The following DCST1 variants were observed in gnomAD, a reference collection of about 807,000 sequenced individuals.
The protein encoded by DCST1 is DC-STAMP domain containing 1, also known as E3 ubiquitin-protein ligase DCST1.
A neutral mutation model predicts 89.1 loss-of-function variants in DCST1; 78 were observed. That is an observed-to-expected ratio of 0.88 (90% CI 0.73 to 1.06). The LOEUF (loss-of-function observed/expected upper bound fraction) is 1.06. Ranked by LOEUF, DCST1 falls within the 50% of genes least tolerant of loss-of-function variation. The pLI, the probability that DCST1 is intolerant of heterozygous loss-of-function variation, is 0.00. For synonymous variants in DCST1, 364 were observed against 371.9 expected (o/e 0.98, Z 0.24); for missense variants, 900 against 928.6 (o/e 0.97, Z 0.40).
chr1:155,041,710 A>T lies in DCST1; in HGVS notation c.749-4A>T. Reference sequence around the variant, plus strand: ...ACCTCAGACACCCTTGCTCCTTCCTACAGATGTGGTGAACCAGGCCATACT... The same window carrying T: ...ACCTCAGACACCCTTGCTCCTTCCTTCAGATGTGGTGAACCAGGCCATACT... On this transcript the variant is annotated splice_region_variant and splice_polypyrimidine_tract_variant and intron_variant, in intron 7 of 16. Transcript: ENST00000295542. 1 of 1,614,132 alleles carries T rather than the reference A, an allele frequency of 6.2e-7. No homozygotes were observed. The highest frequency in any genetic ancestry group is 8.5e-7 in the Non-Finnish European group (1 of 1,180,004).
At chr1:155,041,928 G>A in intron 8 of DCST1, 71 bp downstream of exon 8, 1 of 1,592,158 alleles carries the variant, frequency 6.3e-7, no homozygotes, top group Non-Finnish European at 8.6e-7. Context: ...ACTGGTAGGT[G>A]ACAGGCAGGA....
intron 4 of DCST1, among the ~76,000 whole-genome samples, chr1:155,036,047 C>CAAAA (rs11445380): frequency 3.4e-4 from 24 of 71,220 alleles, no homozygotes; most frequent in African/African-American, 1.2e-3. Context: ...AACTCTGTCT[C>CAAAA]AAAAAAAAAA....
Position 155,034,460 on chromosome 1 carries a change from G to A in DCST1, c.87G>A (p.Gly29=), listed in dbSNP as rs775967965. 1.3e-5 allele frequency: 21 copies of A among 1,613,902 alleles called. No individual in the cohort carries two copies. In the Admixed American group the frequency reaches 2.0e-4, roughly 15 times the overall value. The change falls in exon 3 of 17, where the codon GGG becomes GGA. Residue 29 remains glycine, a synonymous_variant. Coordinates refer to ENST00000295542, the MANE Select transcript of DCST1 (RefSeq NM_152494.4). ...CGGTGCAGAGGCTCCTGACCTGGGG[G>A]CTGCCAGTCTCCTGTAGCTGGTTCC... ...HTTVQRLLTW[G]LPVSCSWFLW...
At chr1:155,037,995 G>C (rs1660324681) in intron 4 of DCST1, among the ~76,000 whole-genome samples, 1 of 152,258 alleles carries the variant, frequency 6.6e-6, no homozygotes, top group African/African-American at 2.4e-5. Context: ...GGCTGGGGCA[G>C]GGCCAGGCTA....
intron 4 of DCST1, 78 bp from the exon 5 acceptor site, chr1:155,039,325 G>T: frequency 6.9e-7 from 1 of 1,444,758 alleles, no homozygotes; most frequent in Non-Finnish European, 9.1e-7. Context: ...GGGTGTTGCA[G>T]GTGGGTGCTC....
chr1:155,034,607 G>A (rs913623598), intron 3 of DCST1, 46 bp from the exon 4 acceptor site: 2 of 1,613,894 alleles, frequency 1.2e-6, no homozygotes, highest in Non-Finnish European at 1.7e-6. Context: ...GCTGGACCAG[G>A]GCTAGGACCC....
chr1:155,047,053 G>T, intron 13 of DCST1, 143 bp from the exon 14 acceptor site: 1 of 754,902 alleles, frequency 1.3e-6, no homozygotes, highest in Non-Finnish European at 2.4e-6. Context: ...AGCAGGGAGG[G>T]GTTAGGATTC....
Position 155,047,177 on chromosome 1 carries a change from C to T in DCST1, c.1496-19C>T. The T allele has an allele frequency of 1.2e-6, 2 of 1,603,080 alleles. No individual in the cohort carries two copies. The highest frequency in any genetic ancestry group is 1.7e-6 in the Non-Finnish European group (2 of 1,170,058). Reference sequence around the variant, plus strand: ...TTCTCCACCTGCCCTGACTTCCCTACCTGTCCTCCTGGCCGCAGGCAGTCA... The same window carrying T: ...TTCTCCACCTGCCCTGACTTCCCTATCTGTCCTCCTGGCCGCAGGCAGTCA... On this transcript the variant is annotated intron_variant, in intron 13 of 16. Coordinates refer to ENST00000295542, the MANE Select transcript of DCST1 (RefSeq NM_152494.4).
Position 155,040,543 on chromosome 1 carries a change from C to T in DCST1, c.450C>T (p.Thr150=), listed in dbSNP as rs1015995727. ...ACGTGATCGCATCGCTGGGCTGCACCGTGGAGCTGCAGATCAACAACACCC... is the reference window on the plus strand; with the variant it reads ...ACGTGATCGCATCGCTGGGCTGCACTGTGGAGCTGCAGATCAACAACACCC... ...LNNVIASLGC[T]VELQINNTRA... is the part of the protein sequence containing the mutation. Residue 150 remains threonine, a synonymous_variant, in exon 6 of 17, where the codon ACC becomes ACT. Coordinates refer to ENST00000295542, the MANE Select transcript of DCST1 (RefSeq NM_152494.4). 1.3e-6 allele frequency: 2 copies of T among 1,592,738 alleles called. No individual in the cohort carries two copies. Among genetic ancestry groups the T allele is most frequent in the Admixed American group, 1.7e-5 (1 of 57,300 alleles).
chr1:155,041,438 C>T lies in DCST1; in HGVS notation c.573C>T (p.Ser191=), dbSNP rs368759688. ...TGAGAGCAGAGACTCGGAACATCTC[C>T]GCCACTTTTGAGGACCTGGATGCCC... ...ELLRAETRNI[S]ATFEDLDAQV... is the part of the protein sequence containing the mutation. The change falls in exon 7 of 17, where the codon TCC becomes TCT. Residue 191 remains serine, a synonymous_variant. Coordinates refer to ENST00000295542, the MANE Select transcript of DCST1 (RefSeq NM_152494.4). 41 of 1,613,870 alleles carry T rather than the reference C, an allele frequency of 2.5e-5. 1 individual carries two copies. The South Asian group carries it at 3.0e-4, about 12-fold the overall frequency.
Position 155,043,456 on chromosome 1 carries a change from C to T in DCST1, c.1119C>T (p.Ala373=). ...VYRQEARLEW[A]LGLLHVLLSC... is the part of the protein sequence containing the mutation. ...GCCAGGAGGCCCGGCTGGAGTGGGC[C>T]CTGGGGCTGCTGCACGTGCTGCTCT... The change falls in exon 10 of 17, where the codon GCC becomes GCT. Residue 373 remains alanine (A), a synonymous_variant. Coordinates refer to ENST00000295542, the MANE Select transcript of DCST1 (RefSeq NM_152494.4). 6 of 1,612,046 alleles carry T rather than the reference C, an allele frequency of 3.7e-6. No homozygotes were observed. Among genetic ancestry groups the T allele is most frequent in the Non-Finnish European group, 4.2e-6 (5 of 1,179,210 alleles).
intron 4 of DCST1, among the ~76,000 whole-genome samples, chr1:155,037,648 G>C (rs1660315438): frequency 6.6e-6 from 1 of 152,016 alleles, no homozygotes; most frequent in South Asian, 2.1e-4. Flanking sequence ...TGTTGGCCAG[G>C]CTGGTCTCAA....
intron 16 of DCST1, chr1:155,048,965 C>T (rs1309915213): frequency 1.4e-6 from 1 of 714,138 alleles, no homozygotes; most frequent in South Asian, 1.5e-5. Flanking sequence ...GTCCATACTC[C>T]CTCATTAAGT....
rs758217274 is a variant in DCST1 at position 155,045,931 on chromosome 1, G to A, written c.1211G>A (p.Arg404His). Residue 404 changes from arginine (R) to histidine (H), a missense_variant, in exon 11 of 17, where the codon CGT becomes CAT. By Grantham distance (29) the Arg-to-His change is conservative. Transcript: ENST00000295542. ...ATGGACAGCTATAACCATGACATTC[G>A]TTTTGACAACATCTACATCAGTACC... is the stretch of plus-strand genomic sequence containing the variant. ...SYMDSYNHDIRFDNIYISTYF... is the reference protein window; with the variant it reads ...SYMDSYNHDIHFDNIYISTYF... 1.9e-5 allele frequency: 30 copies of A among 1,614,116 alleles called. No homozygotes were observed. Among genetic ancestry groups the A allele is most frequent in the Admixed American group, 1.3e-4 (8 of 60,018 alleles).
At chr1:155,046,304 C>T in intron 12 of DCST1, 56 bp from the exon 13 acceptor site, 4 of 1,614,006 alleles carry the variant, frequency 2.5e-6, no homozygotes, top group Middle Eastern at 1.6e-4. Context: ...CCAGAGAGTG[C>T]TCCGTGCCCA....
At position 155,045,962 on chromosome 1, in the gene DCST1, C is replaced by T; in HGVS notation, c.1242C>T (p.Phe414=). The T allele has an allele frequency of 6.2e-7, 1 of 1,614,260 alleles. No individual in the cohort carries two copies. Among genetic ancestry groups the T allele is most frequent in the Non-Finnish European group, 8.5e-7 (1 of 1,180,046 alleles). Reference sequence around the variant, plus strand: ...ACAACATCTACATCAGTACCTACTTCTGCCAGATCGATGACCGCAGGAAGA... The same window carrying T: ...ACAACATCTACATCAGTACCTACTTTTGCCAGATCGATGACCGCAGGAAGA... ...RFDNIYISTY[F]CQIDDRRKKL... The change falls in exon 11 of 17, where the codon TTC becomes TTT. Residue 414 remains phenylalanine, a synonymous_variant. Transcript: ENST00000295542.
chr1:155,039,411 G>A lies in DCST1; in HGVS notation c.271G>A (p.Ala91Thr). ...CTGGGCTCTCCTGACAGGCTTGGGG[G>A]CCATGGGCTGGGGGACCTCCCCTCA... ...MFLYSLVGLG[A>T]MGWGTSPHIR... Residue 91 changes from alanine to threonine, a missense_variant, in exon 5 of 17, where the codon GCC becomes ACC. Physicochemically the swap from Ala to Thr is moderately conservative, Grantham distance 58. Coordinates refer to ENST00000295542, the MANE Select transcript of DCST1 (RefSeq NM_152494.4). The A allele has an allele frequency of 1.3e-6, 2 of 1,587,682 alleles. No homozygotes were observed. The highest frequency in any genetic ancestry group is 2.3e-5 in the East Asian group (1 of 43,736).
chr1:155,041,241 G>C (rs1263447262), intron 6 of DCST1, among the ~76,000 whole-genome samples, 156 bp from the exon 7 acceptor site: 1 of 152,182 alleles, frequency 6.6e-6, no homozygotes, highest in Admixed American at 6.5e-5. Context: ...GGACAGCCGG[G>C]AATTTGAGGT....
rs779035165 is a variant in DCST1, at chr1:155,040,554, A to T, written c.461A>T (p.Gln154Leu). 6.3e-7 allele frequency: 1 copy of T among 1,593,038 alleles called. No individual in the cohort carries two copies. Among genetic ancestry groups the T allele is most frequent in the Admixed American group, 1.7e-5 (1 of 57,330 alleles). The change falls in exon 6 of 17, where the codon CAG becomes CTG. Residue 154 changes from glutamine (Q) to leucine (L), a missense_variant. Transcript: ENST00000295542. The stretch of plus-strand genomic sequence containing the variant: ...TCGCTGGGCTGCACCGTGGAGCTGC[A>T]GATCAACAACACCCGCGCAGCTTGG... The part of the protein sequence containing the change: ...IASLGCTVEL[Q>L]INNTRAAWRI...
Sources: allele counts gnomAD v4.1 joint callset (sites outside exome capture counted in the v4.1 genomes callset), GRCh38; gene constraint gnomAD v4.1.1; transcripts MANE v1.5; gene names NCBI Gene and HGNC (gene_info 2026-07-23, HGNC 2026-07-21).